Variants in CNTNAP2 observed in about 807,000 individuals in gnomAD.
CNTNAP2 encodes contactin associated protein 2, also known as contactin-associated protein-like 2.
In CNTNAP2, 98 loss-of-function variants were observed where a neutral mutation model predicts 155.2. The observed-to-expected ratio is 0.63, with a 90% confidence interval of 0.54 to 0.75. The LOEUF is 0.75. Ranked by LOEUF, CNTNAP2 falls within the 30% of genes least tolerant of loss-of-function variation. CNTNAP2 has a pLI of 0.00. For missense variants in CNTNAP2, 1,727 were observed against 1,688.1 expected, an observed-to-expected ratio of 1.02 and a Z score of -0.40; for synonymous variants, 651 against 631.2, an observed-to-expected ratio of 1.03 and a Z score of -0.47.
At chr7:147,260,068 C>T (rs1286195840) in intron 8 of CNTNAP2, among the ~76,000 whole-genome samples, 3 of 152,116 alleles carry the variant, frequency 2.0e-5, no homozygotes, top group Non-Finnish European at 4.4e-5. Context: ...GATTTCCGAA[C>T]AGAAAATGTT....
At chr7:147,316,846 G>A (rs1164799097) in intron 9 of CNTNAP2, among the ~76,000 whole-genome samples, 2 of 152,122 alleles carry the variant, frequency 1.3e-5, no homozygotes, top group Non-Finnish European at 2.9e-5. Flanking sequence ...ACCCAAAGTC[G>A]TGATTTTGAA....
chr7:147,330,218 G>T (rs921569325), intron 9 of CNTNAP2, among the ~76,000 whole-genome samples: 10 of 152,128 alleles, frequency 6.6e-5, no homozygotes, highest in African/African-American at 1.9e-4. Context: ...GACAAGAGTT[G>T]ATAAGCTTCT....
intron 1 of CNTNAP2, among the ~76,000 whole-genome samples, chr7:146,146,894 C>T (rs1797965554): frequency 1.3e-5 from 2 of 152,098 alleles, no homozygotes; most frequent in Non-Finnish European, 2.9e-5. Flanking sequence ...TTTTATAGGA[C>T]AGGCAGCTGC....
chr7:147,116,044 C>T (rs1800981323), intron 5 of CNTNAP2, among the ~76,000 whole-genome samples: 1 of 151,992 alleles, frequency 6.6e-6, no homozygotes, highest in Non-Finnish European at 1.5e-5. Flanking sequence ...TTTAATAGCC[C>T]TGTAGAAGTC....
At chr7:146,304,977 C>T (rs991623196) in intron 1 of CNTNAP2, among the ~76,000 whole-genome samples, 1 of 152,022 alleles carries the variant, frequency 6.6e-6, no homozygotes, top group Admixed American at 6.6e-5. Context: ...TCTTTTTACT[C>T]TTTTTTTCTC....
At position 147,657,099 on chromosome 7, in the gene CNTNAP2, A is replaced by G. The variant is rs79822634; in HGVS notation, c.2098+17793A>G. On this transcript the variant is annotated intron_variant, in intron 13 of 23. Coordinates refer to ENST00000361727, the MANE Select transcript of CNTNAP2 (RefSeq NM_014141.6). The stretch of plus-strand genomic sequence containing the variant: ...ACATTTAGCTCTGATGAACTTCTAT[A>G]CTATGTGGGGCAGACTTCTTGAAAA... Among the ~76,000 whole-genome samples, 473 of 152,352 alleles carry G rather than the reference A, an allele frequency of 3.1e-3. 26 individuals carry two copies. The East Asian group carries it at 0.073, about 24-fold the overall frequency.
intron 1 of CNTNAP2, among the ~76,000 whole-genome samples, chr7:146,294,691 A>G (rs1362950716): frequency 1.3e-5 from 2 of 152,218 alleles, no homozygotes; most frequent in Non-Finnish European, 2.9e-5. Flanking sequence ...TTAGAGTACC[A>G]TTCAGAGTCA....
rs539098031 is a variant in CNTNAP2, at chr7:147,566,682, C to T, written c.1897+4425C>T. Among the ~76,000 whole-genome samples the T allele has an allele frequency of 3.9e-4, 59 of 152,228 alleles. 1 individual carries two copies. The highest frequency in any genetic ancestry group is 1.4e-3 in the African/African-American group (57 of 41,534). ...TATTATGAGAAGTACATGGAGGAAACTGTCCCCATAATCCAATCACCTCTC... is the reference window on the plus strand; with the variant it reads ...TATTATGAGAAGTACATGGAGGAAATTGTCCCCATAATCCAATCACCTCTC... On this transcript the variant is annotated intron_variant, in intron 12 of 23. Transcript: ENST00000361727.
chr7:148,331,570 G>C (rs62637533), intron 21 of CNTNAP2, among the ~76,000 whole-genome samples: 23 of 49,892 alleles, frequency 4.6e-4, no homozygotes, highest in Admixed American at 7.0e-4. Context: ...CGGATGGAGT[G>C]GATGGATGGA....
intron 20 of CNTNAP2, among the ~76,000 whole-genome samples, chr7:148,253,021 G>GATAC (rs1172813826): frequency 2.2e-5 from 3 of 137,298 alleles, no homozygotes; most frequent in Admixed American, 7.7e-5. Flanking sequence ...TAGATAGATA[G>GATAC]ATAGATAGAT....
At chr7:146,842,875 C>T (rs929717720) in intron 3 of CNTNAP2, among the ~76,000 whole-genome samples, 5 of 149,460 alleles carry the variant, frequency 3.3e-5, no homozygotes, top group Non-Finnish European at 4.4e-5. Flanking sequence ...TTAGTAGAGA[C>T]GGGGTTTCAC....
chr7:147,128,318 A>T (rs985448418), intron 6 of CNTNAP2, among the ~76,000 whole-genome samples: 3 of 152,196 alleles, frequency 2.0e-5, no homozygotes, highest in African/African-American at 2.4e-5. Context: ...TACTGGAGGC[A>T]TTTATTGATA....
At chr7:147,630,372 G>A (rs908364278) in intron 12 of CNTNAP2, among the ~76,000 whole-genome samples, 7 of 145,170 alleles carry the variant, frequency 4.8e-5, no homozygotes, top group East Asian at 2.0e-4. Context: ...AGACGGATTC[G>A]CAGCTGAATT....
At chr7:147,054,410 G>C (rs1191381507) in intron 4 of CNTNAP2, among the ~76,000 whole-genome samples, 1 of 151,928 alleles carries the variant, frequency 6.6e-6, no homozygotes, top group Non-Finnish European at 1.5e-5. Context: ...TATTTTCTCA[G>C]GTAATCTTAC....
chr7:146,837,510 G>A (rs936106480), intron 2 of CNTNAP2, among the ~76,000 whole-genome samples: 9 of 151,850 alleles, frequency 5.9e-5, no homozygotes, highest in African/African-American at 2.2e-4. Flanking sequence ...TAAAGTCCTG[G>A]TCTGCTAATT....
intron 1 of CNTNAP2, among the ~76,000 whole-genome samples, chr7:146,641,195 C>T (rs1190674444): frequency 1.3e-5 from 2 of 152,014 alleles, no homozygotes; most frequent in Non-Finnish European, 2.9e-5. Flanking sequence ...GGCATGGTGG[C>T]GGGGGCCTGT....
chr7:146,173,094 C>T lies in CNTNAP2; in HGVS notation c.97+56121C>T, dbSNP rs977432530. ...CACAAGATTCTAAATGTTCAAATCTCCTCACCAGAACAAGTAGAAGTAAAT... is the reference window on the plus strand; with the variant it reads ...CACAAGATTCTAAATGTTCAAATCTTCTCACCAGAACAAGTAGAAGTAAAT... On this transcript the variant is annotated intron_variant, in intron 1 of 23. Coordinates refer to ENST00000361727, the MANE Select transcript of CNTNAP2 (RefSeq NM_014141.6). 2.0e-5 allele frequency among the ~76,000 whole-genome samples: 3 copies of T among 152,002 alleles called. No homozygotes were observed. In the South Asian group the frequency reaches 6.2e-4, roughly 32 times the overall value.
intron 11 of CNTNAP2, among the ~76,000 whole-genome samples, chr7:147,514,631 A>AT (rs1044505860): frequency 6.3e-4 from 96 of 151,864 alleles, no homozygotes; most frequent in African/African-American, 2.2e-3. Flanking sequence ...TAAAAAAAAA[A>AT]AATAATAAGG....
At chr7:146,127,248 G>C (rs534436135) in intron 1 of CNTNAP2, among the ~76,000 whole-genome samples, 2 of 151,932 alleles carry the variant, frequency 1.3e-5, no homozygotes, top group Admixed American at 6.6e-5. Context: ...ACTCATTTAC[G>C]GTCCAAGCCT....
Sources: allele counts gnomAD v4.1 joint callset (sites outside exome capture counted in the v4.1 genomes callset), GRCh38; gene constraint gnomAD v4.1.1; transcripts MANE v1.5; gene names NCBI Gene and HGNC (gene_info 2026-07-23, HGNC 2026-07-21).